The following BABAM2 variants were observed in gnomAD, a reference collection of about 807,000 sequenced individuals.
The protein encoded by BABAM2 is BRISC and BRCA1 A complex member 2, also known as BRISC and BRCA1-A complex member 2.
A neutral mutation model predicts 54.7 loss-of-function variants in BABAM2; 31 were observed. The ratio of observed to expected loss-of-function variants is 0.57; its 90% CI spans 0.43 to 0.77. The LOEUF is 0.77. BABAM2 is among the 30% of genes least tolerant of loss of function. The pLI, the probability that BABAM2 is intolerant of heterozygous loss-of-function variation, is 0.00. For synonymous variants in BABAM2, 167 were observed against 162.9 expected (o/e 1.03, Z -0.19); for missense variants, 364 against 455.8 (o/e 0.80, Z 1.83).
intron 4 of BABAM2, among the ~76,000 whole-genome samples, chr2:27,991,369 GT>G (rs1216248715): frequency 6.6e-6 from 1 of 152,082 alleles, no homozygotes; most frequent in Non-Finnish European, 1.5e-5. Flanking sequence ...CAGTTCAAAA[GT>G]TTTTTTAAGT....
chr2:27,972,130 C>G (rs1671265200), intron 3 of BABAM2, among the ~76,000 whole-genome samples: 1 of 152,118 alleles, frequency 6.6e-6, no homozygotes, highest in Non-Finnish European at 1.5e-5. Context: ...TGTATATTAT[C>G]TCTGATACAC....
At chr2:28,231,391 C>T (rs911545779) in intron 7 of BABAM2, among the ~76,000 whole-genome samples, 1 of 152,158 alleles carries the variant, frequency 6.6e-6, no homozygotes, top group African/African-American at 2.4e-5. Context: ...GAATGGGAAA[C>T]TCAAGTCCTT....
intron 11 of BABAM2, among the ~76,000 whole-genome samples, chr2:28,319,208 C>T (rs577873120): frequency 6.6e-6 from 1 of 152,316 alleles, no homozygotes; most frequent in Non-Finnish European, 1.5e-5. Context: ...TAATAGGGAA[C>T]CCAACACACA....
At chr2:28,129,524 T>G (rs1048184956) in intron 7 of BABAM2, 144 bp downstream of exon 7, 13 of 751,224 alleles carry the variant, frequency 1.7e-5, no homozygotes, top group Admixed American at 1.3e-4. Context: ...TATTAAGAGT[T>G]TCCATTGCAG....
At chr2:28,140,310 AC>A (rs1670929033) in intron 7 of BABAM2, among the ~76,000 whole-genome samples, 1 of 152,226 alleles carries the variant, frequency 6.6e-6, no homozygotes, top group African/African-American at 2.4e-5. Flanking sequence ...ATGGTCATCA[AC>A]ACTGTGAGAC....
chr2:27,979,573 CCCA>C (rs892266038), intron 3 of BABAM2, among the ~76,000 whole-genome samples: 5 of 151,978 alleles, frequency 3.3e-5, no homozygotes, highest in Admixed American at 2.0e-4. Flanking sequence ...AGTTTATGTT[CCCA>C]CCAACAGTGT....
At position 28,249,752 on chromosome 2, in the gene BABAM2, CACCTTA is replaced by C. The variant is rs746393478; in HGVS notation, c.934+4891_934+4896del. Among the ~76,000 whole-genome samples, 6 of 152,092 alleles carry C rather than the reference CACCTTA, an allele frequency of 3.9e-5. No homozygotes were observed. The South Asian group carries it at 6.2e-4, about 16-fold the overall frequency. On this transcript the variant is annotated intron_variant, in intron 10 of 11. Coordinates refer to ENST00000379624, the MANE Select transcript of BABAM2 (RefSeq NM_199191.3). ...ACTTCCTGGGCTCAGGTGATCCTCC[CACCTTA>C]GCCTCCCAAGTAGCTGGAACTATAC...
intron 7 of BABAM2, among the ~76,000 whole-genome samples, chr2:28,232,630 A>T (rs1200877659): frequency 1.3e-5 from 2 of 152,230 alleles, no homozygotes; most frequent in Admixed American, 1.3e-4. Context: ...TACTATACTG[A>T]ATACTACAGG....
chr2:28,032,918 T>C (rs965132780), intron 5 of BABAM2, among the ~76,000 whole-genome samples: 7 of 152,086 alleles, frequency 4.6e-5, no homozygotes, highest in Non-Finnish European at 1.0e-4. Context: ...TCTGTAACTA[T>C]AAAAAAATAC....
chr2:27,962,213 C>G (rs1222128116), intron 3 of BABAM2, among the ~76,000 whole-genome samples: 3 of 152,072 alleles, frequency 2.0e-5, no homozygotes, highest in Admixed American at 2.0e-4. Flanking sequence ...TAAAGCAATC[C>G]TCCGGCTTCA....
At chr2:27,920,454 A>C (rs540937560) in intron 2 of BABAM2, among the ~76,000 whole-genome samples, 1 of 152,340 alleles carries the variant, frequency 6.6e-6, no homozygotes, top group South Asian at 2.1e-4. Context: ...TGAGTAATCT[A>C]TGTTAGATTT....
intron 3 of BABAM2, among the ~76,000 whole-genome samples, chr2:27,941,808 A>T (rs1668910212): frequency 6.6e-6 from 1 of 152,180 alleles, no homozygotes; most frequent in Admixed American, 6.5e-5. Context: ...TATATCACTA[A>T]ATTTAAATAT....
intron 11 of BABAM2, among the ~76,000 whole-genome samples, chr2:28,333,745 A>G (rs1169855410): frequency 6.6e-6 from 1 of 152,234 alleles, no homozygotes; most frequent in Non-Finnish European, 1.5e-5. Flanking sequence ...CTTGACACTC[A>G]GGGCCCTCTC....
intron 3 of BABAM2, 97 bp downstream of exon 3, chr2:27,930,005 C>G: frequency 8.9e-7 from 1 of 1,122,532 alleles, no homozygotes; most frequent in Non-Finnish European, 1.3e-6. Flanking sequence ...TAGTTGTTAT[C>G]TCCTAAGATA....
chr2:28,015,677 T>C (rs1259288766), intron 4 of BABAM2: 7 of 829,582 alleles, frequency 8.4e-6, no homozygotes, highest in Non-Finnish European at 1.1e-5. Flanking sequence ...AAATATGTTA[T>C]AGTTTTCACA....
At chr2:28,083,874 T>G (rs1309020588) in intron 6 of BABAM2, among the ~76,000 whole-genome samples, 2 of 152,192 alleles carry the variant, frequency 1.3e-5, no homozygotes, top group Non-Finnish European at 2.9e-5. Flanking sequence ...CTGTGTTAAG[T>G]AGGTAGTAAG....
chr2:27,911,047 T>C (rs546255820), intron 2 of BABAM2, among the ~76,000 whole-genome samples: 1 of 152,316 alleles, frequency 6.6e-6, no homozygotes, highest in East Asian at 1.9e-4. Flanking sequence ...TTTTGCTCGG[T>C]ACTTCTCCTT....
At chr2:27,985,931 T>C (rs1045868244) in intron 3 of BABAM2, among the ~76,000 whole-genome samples, 1 of 152,180 alleles carries the variant, frequency 6.6e-6, no homozygotes, top group Non-Finnish European at 1.5e-5. Flanking sequence ...TTAGTCAGGA[T>C]TTTAATTTCA....
chr2:27,925,320 A>G (rs1667608395), intron 2 of BABAM2, among the ~76,000 whole-genome samples: 1 of 151,904 alleles, frequency 6.6e-6, no homozygotes, highest in South Asian at 2.1e-4. Context: ...TGAACTCTCC[A>G]TTTCCTTTTC....
Sources: gnomAD v4.1 joint callset for allele counts (sites outside exome capture counted in the v4.1 genomes callset) on GRCh38, gnomAD v4.1.1 for gene constraint, MANE v1.5 for transcripts, NCBI Gene and HGNC (gene_info 2026-07-23, HGNC 2026-07-21) for gene names.